RIN3: variants seen among roughly 807,000 people sequenced by gnomAD.
RIN3 encodes Ras and Rab interactor 3, also known as RAB5 interacting protein 3.
Under a neutral mutation model 76.3 loss-of-function variants are expected in RIN3, and 54 were observed. That is an observed-to-expected ratio of 0.71 (90% CI 0.57 to 0.89). RIN3 has a LOEUF of 0.89. Among genes scored for constraint, RIN3 ranks in the 40% least tolerant of loss-of-function variants. RIN3 has a pLI of 0.00. For synonymous variants in RIN3, 576 were observed against 564.0 expected (o/e 1.02, Z -0.30); for missense variants, 1,256 against 1,322.1 (o/e 0.95, Z 0.78).
intron 1 of RIN3, among the ~76,000 whole-genome samples, chr14:92,522,064 G>A (rs961779432): frequency 2.0e-5 from 3 of 152,168 alleles, no homozygotes; most frequent in Admixed American, 6.5e-5. Context: ...TGTGTGATGG[G>A]CCTGGAAAGG....
At position 92,613,831 on chromosome 14, in the gene RIN3, A is replaced by G. The variant is rs370424986; in HGVS notation, c.368-1576A>G. On this transcript the variant is annotated intron_variant, in intron 3 of 9. Transcript: ENST00000216487. ...ACTAGAACCTCGGGAGACCAGGACC[A>G]CAGTGGGACATGCACATGTTTCCTG... Among the ~76,000 whole-genome samples the G allele has an allele frequency of 2.8e-4, 43 of 152,332 alleles. 1 individual carries two copies. Among genetic ancestry groups the G allele is most frequent in the African/African-American group, 9.9e-4 (41 of 41,584 alleles).
chr14:92,517,553 G>T (rs1460580420), intron 1 of RIN3, among the ~76,000 whole-genome samples: 1 of 152,156 alleles, frequency 6.6e-6, no homozygotes, highest in African/African-American at 2.4e-5. Context: ...ACCTTTAGAA[G>T]AGAGTGGGGG....
intron 4 of RIN3, among the ~76,000 whole-genome samples, chr14:92,622,968 G>T (rs985012334): frequency 7.9e-5 from 12 of 152,232 alleles, no homozygotes; most frequent in Non-Finnish European, 1.5e-4. Context: ...CTATAGGATT[G>T]GGAAGAACTA....
intron 1 of RIN3, among the ~76,000 whole-genome samples, chr14:92,550,253 T>A (rs1290521481): frequency 6.6e-6 from 1 of 152,204 alleles, no homozygotes; most frequent in Non-Finnish European, 1.5e-5. Flanking sequence ...AGAAGCGTTA[T>A]AACTCGGGGG....
intron 7 of RIN3, among the ~76,000 whole-genome samples, chr14:92,666,527 G>A (rs181049294): frequency 2.5e-4 from 38 of 151,974 alleles, no homozygotes; most frequent in East Asian, 5.8e-4. Flanking sequence ...GGGAGTTCAC[G>A]GAAGCAAATG....
chr14:92,587,576 G>T (rs1325400615), intron 3 of RIN3, among the ~76,000 whole-genome samples: 1 of 152,264 alleles, frequency 6.6e-6, no homozygotes, highest in East Asian at 1.9e-4. Flanking sequence ...AGTATTGTGG[G>T]TGGCCAAGCC....
intron 2 of RIN3, among the ~76,000 whole-genome samples, chr14:92,558,178 G>A (rs1177759810): frequency 6.6e-6 from 1 of 152,094 alleles, no homozygotes; most frequent in East Asian, 1.9e-4. Flanking sequence ...GCGAGACCCC[G>A]TCTCTACAAA....
intron 4 of RIN3, among the ~76,000 whole-genome samples, chr14:92,636,002 A>C (rs1317665560): frequency 6.6e-6 from 1 of 152,248 alleles, no homozygotes; most frequent in Non-Finnish European, 1.5e-5. Context: ...CCCTCCATTC[A>C]GATGCAGGCA....
intron 3 of RIN3, among the ~76,000 whole-genome samples, chr14:92,579,495 T>C (rs1386603151): frequency 1.3e-5 from 2 of 152,232 alleles, no homozygotes; most frequent in African/African-American, 4.8e-5. Flanking sequence ...GCAAAAGCAG[T>C]TTCAATGGCT....
chr14:92,545,582 C>CTTTTTTTTTTTT (rs11324822), intron 1 of RIN3, among the ~76,000 whole-genome samples: 1 of 114,710 alleles, frequency 8.7e-6, no homozygotes, highest in African/African-American at 3.2e-5. Context: ...TTTTCTTTTT[C>CTTTTTTTTTTTT]TTTTTTTTTT....
At chr14:92,519,572 C>A (rs1480084091) in intron 1 of RIN3, among the ~76,000 whole-genome samples, 1 of 152,160 alleles carries the variant, frequency 6.6e-6, no homozygotes, top group African/African-American at 2.4e-5. Flanking sequence ...GTCTGTGAAG[C>A]CTGCCCCTGT....
In RIN3 at chr14:92,656,741, G is replaced by A. The variant is rs537599609; in HGVS notation, c.2027-2420G>A. Among the ~76,000 whole-genome samples, 37 of 152,338 alleles carry A rather than the reference G, an allele frequency of 2.4e-4. No individual in the cohort carries two copies. The highest frequency in any genetic ancestry group is 4.9e-4 in the Non-Finnish European group (33 of 68,032). ...GCCACCAAGGATGGGAAGGGCTGGA[G>A]CTACAGAGATGGAGAGAAGGGCCCT... On this transcript the variant is annotated intron_variant, in intron 6 of 9. Transcript: ENST00000216487. This position sits in a 1 kb window ranked among gnomAD's most constrained non-coding sequence, Gnocchi z 5.2.
At chr14:92,544,501 C>T (rs1317377769) in intron 1 of RIN3, among the ~76,000 whole-genome samples, 1 of 150,714 alleles carries the variant, frequency 6.6e-6, no homozygotes, top group Non-Finnish European at 1.5e-5. Context: ...ATTCCCGGGG[C>T]TAGACTCATC....
At chr14:92,610,185 C>A (rs1005544507) in intron 3 of RIN3, among the ~76,000 whole-genome samples, 1 of 151,948 alleles carries the variant, frequency 6.6e-6, no homozygotes, top group Non-Finnish European at 1.5e-5. Context: ...TGTGTAGCAG[C>A]GTGAATGTAC....
chr14:92,630,015 A>G (rs1158671436), intron 4 of RIN3, among the ~76,000 whole-genome samples: 1 of 152,268 alleles, frequency 6.6e-6, no homozygotes, highest in Non-Finnish European at 1.5e-5. Flanking sequence ...CCATAGTGGA[A>G]GAAGCCTAAC....
intron 5 of RIN3, 39 bp from the exon 6 acceptor site, chr14:92,651,543 G>A (rs1050120721): frequency 1.9e-5 from 28 of 1,443,846 alleles, no homozygotes; most frequent in Non-Finnish European, 2.5e-5. Flanking sequence ...CCTAGTCCCT[G>A]GCACAGACTG....
chr14:92,584,029 A>G (rs1006147400), intron 3 of RIN3, among the ~76,000 whole-genome samples: 1 of 152,176 alleles, frequency 6.6e-6, no homozygotes, highest in African/African-American at 2.4e-5. Context: ...GGTTCCTACC[A>G]GTTCCCTGGC....
chr14:92,526,356 G>A (rs1289034073), intron 1 of RIN3, among the ~76,000 whole-genome samples: 2 of 152,042 alleles, frequency 1.3e-5, no homozygotes, highest in African/African-American at 2.4e-5. Flanking sequence ...CTACTTGGGA[G>A]GCTGATGCGG....
intron 3 of RIN3, among the ~76,000 whole-genome samples, chr14:92,601,638 G>T (rs955597606): frequency 1.3e-5 from 2 of 152,090 alleles, no homozygotes; most frequent in East Asian, 3.8e-4. Flanking sequence ...TTCTCAATGG[G>T]TCCAGTCAAA....
Sources: allele counts gnomAD v4.1 joint callset (sites outside exome capture counted in the v4.1 genomes callset), GRCh38; gene constraint gnomAD v4.1.1; non-coding constraint Gnocchi (gnomAD v3.1); transcripts MANE v1.5; gene names NCBI Gene and HGNC (gene_info 2026-07-23, HGNC 2026-07-21).